The following PARP4 variants were observed in gnomAD, a reference collection of about 807,000 sequenced individuals.
The protein encoded by PARP4 is poly(ADP-ribose) polymerase family member 4, also known as protein mono-ADP-ribosyltransferase PARP4.
In PARP4, 120 loss-of-function variants were observed where a neutral mutation model predicts 187.7. The observed-to-expected ratio is 0.64, with a 90% confidence interval of 0.55 to 0.74. The LOEUF is 0.74. Among genes scored for constraint, PARP4 ranks in the 30% least tolerant of loss-of-function variants. PARP4 has a pLI of 0.00. For synonymous variants in PARP4, 654 were observed against 740.9 expected, an observed-to-expected ratio of 0.88 and a Z score of 1.90; for missense variants, 1,836 against 2,070.5, an observed-to-expected ratio of 0.89 and a Z score of 2.20.
chr13:24,457,677 A>G (rs759405320), intron 20 of PARP4, among the ~76,000 whole-genome samples: 8 of 149,612 alleles, frequency 5.3e-5, no homozygotes, highest in Non-Finnish European at 8.9e-5. Flanking sequence ...AGGCTGAGGC[A>G]TGAGAATCGT....
intron 15 of PARP4, among the ~76,000 whole-genome samples, chr13:24,473,383 A>G (rs886627314): frequency 6.6e-6 from 1 of 152,250 alleles, no homozygotes; most frequent in African/African-American, 2.4e-5. Flanking sequence ...AGAAATGTTA[A>G]ATAAATAAGG....
At chr13:24,435,914 C>T (rs1870610981) in intron 30 of PARP4, among the ~76,000 whole-genome samples, 2 of 51,064 alleles carry the variant, frequency 3.9e-5, no homozygotes, top group African/African-American at 1.6e-4. Flanking sequence ...AATATTCTGT[C>T]TCAAAAAAAA....
At chr13:24,469,799 C>T in intron 16 of PARP4, 95 bp downstream of exon 16, 2 of 1,324,206 alleles carry the variant, frequency 1.5e-6, no homozygotes, top group Non-Finnish European at 2.1e-6. Flanking sequence ...TGCTACTCAA[C>T]CTTGTAGCCA....
At chr13:24,492,782 T>C (rs944791574) in intron 8 of PARP4, among the ~76,000 whole-genome samples, 188 bp from the exon 9 acceptor site, 1 of 152,222 alleles carries the variant, frequency 6.6e-6, no homozygotes, top group South Asian at 2.1e-4. Flanking sequence ...GCCATGAGGA[T>C]TGTTGCAAAA....
At chr13:24,457,770 C>CAAAAAAAAAAAAAAAAAAAA (rs33930012) in intron 20 of PARP4, among the ~76,000 whole-genome samples, 55 of 85,634 alleles carry the variant, frequency 6.4e-4, no homozygotes, top group African/African-American at 9.0e-4. Context: ...GACTCTGTCT[C>CAAAAAAAAAAAAAAAAAAAA]AAAAAAAAAA....
At chr13:24,424,040 G>A (rs1869894246) in intron 33 of PARP4, among the ~76,000 whole-genome samples, 1 of 152,038 alleles carries the variant, frequency 6.6e-6, no homozygotes. Flanking sequence ...AAACTTCTGG[G>A]CTTGATCTTG....
intron 30 of PARP4, among the ~76,000 whole-genome samples, chr13:24,437,795 A>G (rs1183914623): frequency 1.4e-5 from 2 of 145,538 alleles, no homozygotes; most frequent in African/African-American, 5.1e-5. Context: ...TCTGTGATAG[A>G]GCCTGTGAAT....
At chr13:24,510,357 A>C (rs1376227987) in intron 1 of PARP4, among the ~76,000 whole-genome samples, 2 of 152,052 alleles carry the variant, frequency 1.3e-5, no homozygotes, top group East Asian at 3.9e-4. Flanking sequence ...GATCGAGGCC[A>C]TCCCGGCTAA....
In PARP4 at chr13:24,434,529, A is replaced by G. The variant is rs376909595; in HGVS notation, c.4612T>C (p.Leu1538=). Residue 1538 remains leucine, a synonymous_variant, in exon 31 of 34, where the codon TTA becomes CTA. Coordinates refer to ENST00000381989, the MANE Select transcript of PARP4 (RefSeq NM_006437.4). Reference sequence around the variant, plus strand: ...TCTTTTGTATCACATTTTATTTGTAAAAAGCAGCTGTCTTGAAGTACTTCT... The same window carrying G: ...TCTTTTGTATCACATTTTATTTGTAGAAAGCAGCTGTCTTGAAGTACTTCT... ...LSEVLQDSCF[L]QIKCDTKDDS... is the part of the protein sequence containing the mutation. 3 of 1,614,008 alleles carry G rather than the reference A, an allele frequency of 1.9e-6. No homozygotes were observed. The highest frequency in any genetic ancestry group is 2.5e-6 in the Non-Finnish European group (3 of 1,179,890).
chr13:24,423,554 AC>A (rs1398805880), intron 33 of PARP4, among the ~76,000 whole-genome samples: 4 of 151,320 alleles, frequency 2.6e-5, no homozygotes, highest in Admixed American at 1.3e-4. Context: ...ATAAATAAAA[AC>A]AAAACAAAAA....
At chr13:24,455,806 A>G (rs1373784101) in intron 21 of PARP4, among the ~76,000 whole-genome samples, 1 of 151,516 alleles carries the variant, frequency 6.6e-6, no homozygotes, top group Non-Finnish European at 1.5e-5. Flanking sequence ...AATTTTTTAC[A>G]GAGACGAGGT....
intron 1 of PARP4, among the ~76,000 whole-genome samples, chr13:24,509,328 G>A (rs1431312634): frequency 6.6e-6 from 1 of 152,004 alleles, no homozygotes; most frequent in Non-Finnish European, 1.5e-5. Flanking sequence ...CCAACATGGC[G>A]AAACTTCATC....
Position 24,498,130 on chromosome 13 carries a change from C to T in PARP4, c.577G>A (p.Asp193Asn), listed in dbSNP as rs760039201. Residue 193 changes from aspartate to asparagine, a missense_variant, in exon 6 of 34, where the codon GAT (aspartate) becomes AAT (asparagine). By Grantham distance (23) the Asp-to-Asn change is conservative (BLOSUM62 1). Around this residue, in one of 8 missense-constraint regions of PARP4, gnomAD observed 1,147 missense variants for 1,214.2 expected, o/e 0.94. Transcript: ENST00000381989. ...PFLISSHFLLDDGMETRRQFA... is the reference protein window; with the variant it reads ...PFLISSHFLLNDGMETRRQFA... The stretch of plus-strand genomic sequence containing the variant: ...AACAGCATTACCTCCATGCCATCAT[C>T]CAGGAGGAAGTGTGAGGATATCAGG... 10 of 1,611,066 alleles carry T rather than the reference C, an allele frequency of 6.2e-6. No homozygotes were observed. The highest frequency in any genetic ancestry group is 8.5e-6 in the Non-Finnish European group (10 of 1,177,410).
At position 24,490,787 on chromosome 13, in the gene PARP4, G is replaced by C; in HGVS notation, c.1095C>G (p.Ser365=). ...TGGCCAGGGATGGTGGGTTGGGTTT[G>C]GACAAATTAGTTTCACAGACATTAA... ...DMVNVCETNL[S]KPNPPSLAKY... Residue 365 remains serine (S), a synonymous_variant, in exon 10 of 34, where the codon TCC becomes TCG. Coordinates refer to ENST00000381989, the MANE Select transcript of PARP4 (RefSeq NM_006437.4). The C allele has an allele frequency of 1.9e-6, 3 of 1,614,008 alleles. No individual in the cohort carries two copies. The highest frequency in any genetic ancestry group is 2.5e-6 in the Non-Finnish European group (3 of 1,179,944).
intron 22 of PARP4, among the ~76,000 whole-genome samples, 163 bp downstream of exon 22, chr13:24,454,854 C>T (rs7334824): frequency 0.27 from 41,293 of 151,820 alleles, 6,306 homozygotes; most frequent in African/African-American, 0.42. Flanking sequence ...ACAGCTGGAA[C>T]CGGGACCTAG....
intron 17 of PARP4, among the ~76,000 whole-genome samples, chr13:24,466,315 G>A (rs905478062): frequency 6.6e-6 from 1 of 152,062 alleles, no homozygotes; most frequent in Admixed American, 6.6e-5. Flanking sequence ...TCAAGTAGCT[G>A]GGACTACAGG....
In PARP4 at chr13:24,460,044, A is replaced by AGT. The variant is rs765931286; in HGVS notation, c.2224_2225dup (p.Val743LeufsTer11). The AGT allele has an allele frequency of 6.2e-7, 1 of 1,613,962 alleles. No homozygotes were observed. The highest frequency in any genetic ancestry group is 1.3e-5 in the African/African-American group (1 of 74,926). On this transcript the variant is annotated frameshift_variant, in exon 18 of 34. Transcript: ENST00000381989. LOFTEE classifies it high-confidence loss of function. ...TGGCGGGCATGAAAAAGACACCAACAGTGCCCAGGATGCTGAGTTCTGTGA... is the reference window on the plus strand; with the variant it reads ...TGGCGGGCATGAAAAAGACACCAACAGTGTGCCCAGGATGCTGAGTTCTGTGA...
At chr13:24,462,227 G>A (rs1872245675) in intron 17 of PARP4, among the ~76,000 whole-genome samples, 1 of 152,180 alleles carries the variant, frequency 6.6e-6, no homozygotes, top group South Asian at 2.1e-4. Flanking sequence ...ACCTCTGTCG[G>A]ACAGTGTGCA....
chr13:24,445,901 A>G (rs1377286945), intron 27 of PARP4, among the ~76,000 whole-genome samples: 2 of 152,296 alleles, frequency 1.3e-5, no homozygotes, highest in Non-Finnish European at 2.9e-5. Context: ...TGCCAACCCC[A>G]GGCGGCCAGT....
Sources: gnomAD v4.1 joint callset for allele counts (sites outside exome capture counted in the v4.1 genomes callset) on GRCh38, gnomAD v4.1.1 for gene constraint, gnomAD v4.1.1 regional missense constraint, MANE v1.5 for transcripts, NCBI Gene and HGNC (gene_info 2026-07-23, HGNC 2026-07-21) for gene names.